Variants in PCDHGA6 observed in about 807,000 individuals in gnomAD.
PCDHGA6 encodes protocadherin gamma-A6.
Under a neutral mutation model 60.6 loss-of-function variants are expected in PCDHGA6, and 41 were observed. That is an observed-to-expected ratio of 0.68 (90% CI 0.53 to 0.88). The LOEUF (loss-of-function observed/expected upper bound fraction) is 0.88. Ranked by LOEUF, PCDHGA6 falls within the 40% of genes least tolerant of loss-of-function variation. PCDHGA6 has a pLI of 0.00. For synonymous variants in PCDHGA6, 594 were observed against 524.4 expected (o/e 1.13, Z -1.81); for missense variants, 1,312 against 1,203.0 (o/e 1.09, Z -1.34).
chr5:141,415,284 G>T (rs186109113), intron 1 of PCDHGA6: 1 of 1,614,198 alleles, frequency 6.2e-7, no homozygotes, highest in East Asian at 2.2e-5. Context: ...CGGTGGCCGC[G>T]GTCTCCTGCG....
chr5:141,399,902 C>T, intron 1 of PCDHGA6: 3 of 1,612,490 alleles, frequency 1.9e-6, no homozygotes, highest in Non-Finnish European at 8.5e-7. Context: ...GCCGTGGACG[C>T]AGACTCAGGA....
chr5:141,427,454 T>C (rs62379160), intron 1 of PCDHGA6: 18,356 of 489,902 alleles, frequency 0.037, 441 homozygotes, highest in Middle Eastern at 0.11. Context: ...GAGTTCCTTT[T>C]AGAATCGAAT....
intron 1 of PCDHGA6, chr5:141,423,618 C>CT (rs1300844043): frequency 1.9e-6 from 3 of 1,608,282 alleles, no homozygotes; most frequent in Admixed American, 1.7e-5. Flanking sequence ...TAGCTGAAGA[C>CT]TCAGCTATCA....
At chr5:141,429,597 G>A (rs937301997) in intron 1 of PCDHGA6, among the ~76,000 whole-genome samples, 2 of 152,094 alleles carry the variant, frequency 1.3e-5, no homozygotes, top group Non-Finnish European at 2.9e-5. Flanking sequence ...TGTAATTCAA[G>A]TAAACTCAAT....
At chr5:141,478,098 C>T (rs779493391) in intron 1 of PCDHGA6, 1 of 1,614,142 alleles carries the variant, frequency 6.2e-7, no homozygotes, top group South Asian at 1.1e-5. Flanking sequence ...ACCACTGCTA[C>T]CCTCACTGTG....
chr5:141,448,323 A>G (rs2098582223), intron 1 of PCDHGA6, among the ~76,000 whole-genome samples: 1 of 152,080 alleles, frequency 6.6e-6, no homozygotes, highest in Non-Finnish European at 1.5e-5. Flanking sequence ...TTTTCTTTGA[A>G]TCTTTATAGC....
chr5:141,447,360 A>G (rs1471046883), intron 1 of PCDHGA6, among the ~76,000 whole-genome samples: 1 of 151,914 alleles, frequency 6.6e-6, no homozygotes, highest in Non-Finnish European at 1.5e-5. Context: ...GCTGGTCTCA[A>G]ACTCCTGACC....
At position 141,415,363 on chromosome 5, in the gene PCDHGA6, C is replaced by T. The variant is rs62378454; in HGVS notation, c.2424+38856C>T. 7,186 of 1,614,240 alleles carry T rather than the reference C, an allele frequency of 4.5e-3. 30 individuals carry two copies. Among genetic ancestry groups the T allele is most frequent in the South Asian group, 5.6e-3 (509 of 91,092 alleles). Reference sequence around the variant, plus strand: ...GCGCTGGCACAAGTCACGCCTGCTGCAGGCTTCAGGAGGCGGCTTGACAGG... The same window carrying T: ...GCGCTGGCACAAGTCACGCCTGCTGTAGGCTTCAGGAGGCGGCTTGACAGG... On this transcript the variant is annotated intron_variant, in intron 1 of 3. Transcript: ENST00000517434.
chr5:141,455,852 T>C (rs2154565235), intron 1 of PCDHGA6, among the ~76,000 whole-genome samples: 1 of 148,622 alleles, frequency 6.7e-6, no homozygotes, highest in South Asian at 2.1e-4. Context: ...CATAAAATAA[T>C]TTCTTTTATT....
In PCDHGA6 at chr5:141,374,816, C is replaced by A. The variant is rs771806207; in HGVS notation, c.733C>A (p.Pro245Thr). ...TGACAACACTCCAATGTTTACTCAG[C>A]CTGTCTACCGTGTAAGTGTTCCTGA... ...VNDNTPMFTQ[P>T]VYRVSVPENL... The change falls in exon 1 of 4, where the codon CCT becomes ACT. Residue 245 changes from proline to threonine, a missense_variant. Transcript: ENST00000517434. The A allele has an allele frequency of 6.2e-7, 1 of 1,613,964 alleles. No individual in the cohort carries two copies. Among genetic ancestry groups the A allele is most frequent in the Non-Finnish European group, 8.5e-7 (1 of 1,179,882 alleles).
intron 1 of PCDHGA6, among the ~76,000 whole-genome samples, chr5:141,458,809 T>G (rs2098953834): frequency 6.6e-6 from 1 of 152,190 alleles, no homozygotes; most frequent in Non-Finnish European, 1.5e-5. Flanking sequence ...CTCAGCTCAC[T>G]GCAACCTCTG....
intron 1 of PCDHGA6, chr5:141,421,959 A>G (rs2096614103): frequency 1.9e-6 from 3 of 1,612,798 alleles, no homozygotes; most frequent in East Asian, 2.2e-5. Flanking sequence ...CAATGTTTAC[A>G]CAGTCCGTAT....
At chr5:141,381,987 G>A (rs896707419) in intron 1 of PCDHGA6, among the ~76,000 whole-genome samples, 9 of 151,320 alleles carry the variant, frequency 5.9e-5, no homozygotes, top group Non-Finnish European at 1.2e-4. Context: ...GCGCCACCAC[G>A]CCCGGATAAT....
chr5:141,400,657 T>G (rs2094057580), intron 1 of PCDHGA6: 1 of 1,081,498 alleles, frequency 9.2e-7, no homozygotes, highest in African/African-American at 1.6e-5. Context: ...TGTCCTACCA[T>G]TCTTTAAGAG....
intron 1 of PCDHGA6, among the ~76,000 whole-genome samples, chr5:141,380,623 C>T (rs1249230107): frequency 6.6e-6 from 1 of 152,204 alleles, no homozygotes; most frequent in Non-Finnish European, 1.5e-5. Flanking sequence ...TGTTCGATAA[C>T]TTAGAAAATG....
Position 141,431,352 on chromosome 5 carries a change from G to C in PCDHGA6, c.2424+54845G>C. Reference sequence around the variant, plus strand: ...AAGTACCCCGAATTGGTGCTGAAACGCGCCCTGGACCGCGAAGAAAAGGCT... The same window carrying C: ...AAGTACCCCGAATTGGTGCTGAAACCCGCCCTGGACCGCGAAGAAAAGGCT... On this transcript the variant is annotated intron_variant, in intron 1 of 3. Coordinates refer to ENST00000517434, the MANE Select transcript of PCDHGA6 (RefSeq NM_018919.3). This position sits in a 1 kb window ranked among gnomAD's most constrained non-coding sequence, Gnocchi z 4.8. The C allele has an allele frequency of 6.2e-7, 1 of 1,614,044 alleles. No individual in the cohort carries two copies. The highest frequency in any genetic ancestry group is 8.5e-7 in the Non-Finnish European group (1 of 1,180,032).
Position 141,476,464 on chromosome 5 carries a change from G to A in PCDHGA6, c.2425-18343G>A, listed in dbSNP as rs745664477. On this transcript the variant is annotated intron_variant, in intron 1 of 3. Transcript: ENST00000517434. This position sits in a 1 kb window ranked among gnomAD's most constrained non-coding sequence, Gnocchi z 7.6. ...TGGAGTTGGTAGTGGAGAACCCGCT[G>A]GAGCTGTTCAGCGTGGAAGTGGTGA... 3 of 1,614,140 alleles carry A rather than the reference G, an allele frequency of 1.9e-6. No homozygotes were observed. Among genetic ancestry groups the A allele is most frequent in the Non-Finnish European group, 2.5e-6 (3 of 1,180,014 alleles).
intron 1 of PCDHGA6, among the ~76,000 whole-genome samples, chr5:141,473,246 A>G (rs1045740920): frequency 7.2e-5 from 11 of 152,224 alleles, no homozygotes; most frequent in Admixed American, 4.6e-4. Context: ...AAGTGAATAC[A>G]TATATAGTCC....
In PCDHGA6 at chr5:141,431,028, T is replaced by C. The variant is rs367575636; in HGVS notation, c.2424+54521T>C. On this transcript the variant is annotated intron_variant, in intron 1 of 3. Transcript: ENST00000517434. This position sits in a 1 kb window ranked among gnomAD's most constrained non-coding sequence, Gnocchi z 4.8. ...GGCAGCTTGGTCACGGCGGGCAGGA[T>C]AGACCGGGAGGAGCTCTGTATGGGG... The C allele has an allele frequency of 6.2e-7, 1 of 1,613,986 alleles. No homozygotes were observed. Among genetic ancestry groups the C allele is most frequent in the Admixed American group, 1.7e-5 (1 of 60,022 alleles).
Sources: allele counts gnomAD v4.1 joint callset (sites outside exome capture counted in the v4.1 genomes callset), GRCh38; gene constraint gnomAD v4.1.1; non-coding constraint Gnocchi (gnomAD v3.1); transcripts MANE v1.5; gene names NCBI Gene and HGNC (gene_info 2026-07-23, HGNC 2026-07-21).